POLR1A: variants seen among roughly 807,000 people sequenced by gnomAD.
POLR1A encodes the protein RNA polymerase I subunit A, also known as DNA-directed RNA polymerase I subunit RPA1.
A neutral mutation model predicts 205.3 loss-of-function variants in POLR1A; 84 were observed. That is an observed-to-expected ratio of 0.41 (90% CI 0.34 to 0.49). The LOEUF is 0.49. POLR1A is among the 20% of genes least tolerant of loss of function. The pLI is 0.22. For synonymous variants in POLR1A, 799 were observed against 863.7 expected, an observed-to-expected ratio of 0.93 and a Z score of 1.31; for missense variants, 1,645 against 2,204.5, an observed-to-expected ratio of 0.75 and a Z score of 5.08.
rs574165187 is a variant in POLR1A at position 86,058,713 on chromosome 2, TA to T, written c.2059-4425del. 1.1e-3 allele frequency among the ~76,000 whole-genome samples: 165 copies of T among 152,206 alleles called. 1 individual carries two copies. The highest frequency in any genetic ancestry group is 6.9e-3 in the Middle Eastern group (2 of 290). On this transcript the variant is annotated intron_variant, in intron 14 of 33. Transcript: ENST00000263857. ...TATCTATGGGAATTATTATTTATAC[TA>T]AGCCTGTATTAACCTTAAAAAAAGT... is the stretch of plus-strand genomic sequence containing the variant.
In POLR1A at chr2:86,036,554, C is replaced by T. The variant is rs116690616; in HGVS notation, c.4034+2146G>A. 7.7e-3 allele frequency among the ~76,000 whole-genome samples: 1,178 copies of T among 152,216 alleles called. 17 individuals carry two copies. Among genetic ancestry groups the T allele is most frequent in the African/African-American group, 0.027 (1,120 of 41,528 alleles). ...GATGGGAGAAAGGAAGGAGAAAAAG[C>T]TTCTTGGGGGTTGGCTGCTCTTTTG... On this transcript the variant is annotated intron_variant, in intron 27 of 33. Coordinates refer to ENST00000263857, the MANE Select transcript of POLR1A (RefSeq NM_015425.6).
chr2:86,090,899 C>T (rs1229520032), intron 3 of POLR1A, among the ~76,000 whole-genome samples: 1 of 152,202 alleles, frequency 6.6e-6, no homozygotes, highest in Non-Finnish European at 1.5e-5. Context: ...GCGCTATGAT[C>T]GTACCTGTGA....
chr2:86,069,182 C>G (rs1014579963), intron 13 of POLR1A, among the ~76,000 whole-genome samples: 1 of 152,204 alleles, frequency 6.6e-6, no homozygotes, highest in African/African-American at 2.4e-5. Context: ...GAAATGGGAG[C>G]CTTGGTTTGA....
At chr2:86,096,586 G>T (rs1054665922) in intron 3 of POLR1A, among the ~76,000 whole-genome samples, 1 of 152,052 alleles carries the variant, frequency 6.6e-6, no homozygotes, top group African/African-American at 2.4e-5. Flanking sequence ...AGAAACAAAG[G>T]CCAATGAAAA....
chr2:86,050,449 A>G (rs1035642024), intron 16 of POLR1A, among the ~76,000 whole-genome samples: 1 of 152,206 alleles, frequency 6.6e-6, no homozygotes. Flanking sequence ...CCATGGGTTC[A>G]GCTACAGGCC....
At chr2:86,065,204 A>G in intron 14 of POLR1A, 70 bp downstream of exon 14, 4 of 1,362,696 alleles carry the variant, frequency 2.9e-6, no homozygotes, top group Non-Finnish European at 4.1e-6. Flanking sequence ...GACTCTTCTG[A>G]GAATAAAACC....
chr2:86,068,769 G>T lies in POLR1A; in HGVS notation c.1866+1249C>A, dbSNP rs139834931. Among the ~76,000 whole-genome samples, 102 of 152,308 alleles carry T rather than the reference G, an allele frequency of 6.7e-4. 1 individual carries two copies. Among genetic ancestry groups the T allele is most frequent in the Non-Finnish European group, 1.1e-3 (77 of 68,024 alleles). ...AAGGGAAAGGCCAACTCAAACAACC[G>T]GGACCCTTGTGAAGCCACAGTGGTG... On this transcript the variant is annotated intron_variant, in intron 13 of 33. Coordinates refer to ENST00000263857, the MANE Select transcript of POLR1A (RefSeq NM_015425.6).
chr2:86,081,485 C>T (rs765530319), intron 8 of POLR1A, 116 bp downstream of exon 8: 49 of 631,666 alleles, frequency 7.8e-5, no homozygotes, highest in Non-Finnish European at 1.3e-4. Context: ...GCACCTGGAG[C>T]GGAACTGCAG....
intron 27 of POLR1A, 92 bp from the exon 28 acceptor site, chr2:86,033,879 C>T (rs1672447262): frequency 2.0e-6 from 3 of 1,480,926 alleles, no homozygotes; most frequent in African/African-American, 2.8e-5. Flanking sequence ...GGGATTCCCA[C>T]AGGGGATCAG....
intron 3 of POLR1A, among the ~76,000 whole-genome samples, chr2:86,092,353 AG>A: frequency 6.6e-6 from 1 of 152,288 alleles, no homozygotes; most frequent in Non-Finnish European, 1.5e-5. Context: ...CCTCTAGGCC[AG>A]GGGGGCTCCC....
chr2:86,028,782 C>A lies in POLR1A; in HGVS notation c.4780-71G>T, dbSNP rs564652352. The A allele has an allele frequency of 2.8e-6, 3 of 1,087,736 alleles. No homozygotes were observed. The highest frequency in any genetic ancestry group is 2.5e-5 in the East Asian group (1 of 40,368). 67.4% of individuals were successfully genotyped at this position (1,087,736 alleles called of 1,614,324 possible). A position where few individuals can be genotyped will look rare whatever the true frequency, so the allele number is the denominator to read the frequency against. ...GCTCCCTTCTGCCTGCGTATCTCCC[C>A]CTGGCCGCTCTCTCTCTCCTTGTGT... On this transcript the variant is annotated intron_variant, in intron 31 of 33. Coordinates refer to ENST00000263857, the MANE Select transcript of POLR1A (RefSeq NM_015425.6). The surrounding 1 kb of genome is among the most constrained non-coding windows in gnomAD (Gnocchi z 4.5).
chr2:86,039,229 T>C, intron 26 of POLR1A, 98 bp downstream of exon 26: 2 of 1,325,804 alleles, frequency 1.5e-6, no homozygotes, highest in Non-Finnish European at 2.1e-6. Flanking sequence ...AATCTGAGCC[T>C]AGGGTCAGAG....
intron 27 of POLR1A, among the ~76,000 whole-genome samples, chr2:86,038,002 C>T (rs1261468862): frequency 1.3e-5 from 2 of 152,202 alleles, no homozygotes; most frequent in African/African-American, 2.4e-5. Flanking sequence ...CACACTTCAC[C>T]GTCTAGGGTT....
At chr2:86,079,175 G>C (rs1165605298) in intron 9 of POLR1A, among the ~76,000 whole-genome samples, 1 of 152,188 alleles carries the variant, frequency 6.6e-6, no homozygotes, top group Admixed American at 6.5e-5. Context: ...CAAACCTGAG[G>C]AACACAGGAA....
intron 1 of POLR1A, among the ~76,000 whole-genome samples, chr2:86,103,123 G>C (rs1289262382): frequency 6.6e-6 from 1 of 152,232 alleles, no homozygotes; most frequent in Non-Finnish European, 1.5e-5. Context: ...TAGTCTGTTA[G>C]ACGGCAGAAA....
At chr2:86,086,373 A>T (rs566141558) in intron 6 of POLR1A, among the ~76,000 whole-genome samples, 88 of 152,264 alleles carry the variant, frequency 5.8e-4, no homozygotes, top group African/African-American at 2.1e-3. Context: ...GGCGTGAGCC[A>T]CCACTCCCAG....
chr2:86,031,801 C>T (rs1051275320), intron 29 of POLR1A, among the ~76,000 whole-genome samples, 166 bp from the exon 30 acceptor site: 2 of 152,178 alleles, frequency 1.3e-5, no homozygotes, highest in African/African-American at 4.8e-5. Flanking sequence ...GGTCTTTCTT[C>T]TTCCTTTTGC....
At chr2:86,080,183 T>G (rs999503443) in intron 9 of POLR1A, among the ~76,000 whole-genome samples, 1 of 152,158 alleles carries the variant, frequency 6.6e-6, no homozygotes, top group African/African-American at 2.4e-5. Flanking sequence ...GAGAGTACTT[T>G]AGAGCTGGGA....
At position 86,075,102 on chromosome 2, in the gene POLR1A, G is replaced by C; in HGVS notation, c.1539C>G (p.Thr513=). The C allele has an allele frequency of 6.2e-7, 1 of 1,613,140 alleles. No individual in the cohort carries two copies. Among genetic ancestry groups the C allele is most frequent in the Non-Finnish European group, 8.5e-7 (1 of 1,179,924 alleles). ...GCTGCTTGGCCACGGCCTCTCGCTGGGTCATGTCCACAGCGCTCAGGGCTG... is the reference window on the plus strand; with the variant it reads ...GCTGCTTGGCCACGGCCTCTCGCTGCGTCATGTCCACAGCGCTCAGGGCTG... ...SRTALSAVDM[T]QREAVAKQLL... The change falls in exon 12 of 34, where the codon ACC becomes ACG. Residue 513 remains threonine, a synonymous_variant. Coordinates refer to ENST00000263857, the MANE Select transcript of POLR1A (RefSeq NM_015425.6).
Sources: gnomAD v4.1 joint callset for allele counts (sites outside exome capture counted in the v4.1 genomes callset) on GRCh38, gnomAD v4.1.1 for gene constraint, Gnocchi (gnomAD v3.1) non-coding constraint, MANE v1.5 for transcripts, NCBI Gene and HGNC (gene_info 2026-07-23, HGNC 2026-07-21) for gene names.